Variants in TMBIM6 observed in about 807,000 individuals in gnomAD.
TMBIM6 encodes bax inhibitor 1.
Under a neutral mutation model 31.4 loss-of-function variants are expected in TMBIM6, and 13 were observed. The ratio of observed to expected loss-of-function variants is 0.41; its 90% confidence interval spans 0.27 to 0.66. The LOEUF (loss-of-function observed/expected upper bound fraction) is 0.66. Ranked by LOEUF, TMBIM6 falls within the 30% of genes least tolerant of loss-of-function variation. The pLI, the probability that TMBIM6 is intolerant of heterozygous loss-of-function variation, is 0.28. For synonymous variants in TMBIM6, 85 were observed against 101.7 expected (o/e 0.84, Z 0.99); for missense variants, 275 against 289.5 (o/e 0.95, Z 0.36).
chr12:49,755,615 A>AT lies in TMBIM6; in HGVS notation c.166-18dup, dbSNP rs767367581. On this transcript the variant is annotated intron_variant, in intron 3 of 9. Coordinates refer to ENST00000267115, the MANE Select transcript of TMBIM6 (RefSeq NM_003217.3). ...GAAACTTTCAAGTGTTTAATGATTG[A>AT]TTGATTCTGACTCTAACAGGCTGGC... 1 of 1,608,232 alleles carries AT rather than the reference A, an allele frequency of 6.2e-7. No homozygotes were observed. Among genetic ancestry groups the AT allele is most frequent in the Admixed American group, 1.7e-5 (1 of 58,012 alleles).
intron 9 of TMBIM6, chr12:49,762,068 G>C: frequency 2.8e-6 from 1 of 356,470 alleles, no homozygotes; most frequent in Non-Finnish European, 5.1e-6. Flanking sequence ...ATATAGTTGT[G>C]ACTCAGAGAA....
chr12:49,756,953 C>T (rs1191281373), intron 4 of TMBIM6, among the ~76,000 whole-genome samples: 1 of 149,152 alleles, frequency 6.7e-6, no homozygotes, highest in Non-Finnish European at 1.5e-5. Context: ...AGGCTGGTCT[C>T]GAACTCCTGA....
At chr12:49,752,410 C>A in intron 1 of TMBIM6, 54 bp from the exon 2 acceptor site, 4 of 1,150,252 alleles carry the variant, frequency 3.5e-6, no homozygotes, top group Non-Finnish European at 4.8e-6. Flanking sequence ...TTTTTATAAG[C>A]TGTTCGTGTG....
At position 49,755,826 on chromosome 12, in the gene TMBIM6, C is replaced by T. The variant is rs569386546; in HGVS notation, c.286+71C>T. On this transcript the variant is annotated intron_variant, in intron 4 of 9. Coordinates refer to ENST00000267115, the MANE Select transcript of TMBIM6 (RefSeq NM_003217.3). ...CAGTATCTCTTAATTAGTTCCCCCC[C>T]CTTTTTTTTTCTTTTTTTTTTTTTT... is the stretch of plus-strand genomic sequence containing the variant. The T allele has an allele frequency of 4.6e-6, 7 of 1,522,922 alleles. No individual in the cohort carries two copies. In the African/African-American group the frequency reaches 8.6e-5, roughly 19 times the overall value. 94.3% of individuals were successfully genotyped at this position (1,522,922 alleles called of 1,614,324 possible).
In TMBIM6 at chr12:49,742,269, A is replaced by G. The variant is rs531306326; in HGVS notation, c.-31+658A>G. 3.1e-6 allele frequency: 5 copies of G among 1,598,864 alleles called. No homozygotes were observed. The Admixed American group carries it at 7.1e-5, about 23-fold the overall frequency. On this transcript the variant is annotated intron_variant, in intron 1 of 9. Coordinates refer to ENST00000267115, the MANE Select transcript of TMBIM6 (RefSeq NM_003217.3). ...CGGCCCCGCTCTTTTCGGATTGGTTACCTTTGGGCAGGTGAGGTGGCTTTG... is the reference window on the plus strand; with the variant it reads ...CGGCCCCGCTCTTTTCGGATTGGTTGCCTTTGGGCAGGTGAGGTGGCTTTG...
At chr12:49,743,856 C>T (rs1323720893) in intron 1 of TMBIM6, among the ~76,000 whole-genome samples, 1 of 151,800 alleles carries the variant, frequency 6.6e-6, no homozygotes, top group Non-Finnish European at 1.5e-5. Context: ...ATTTAACTTT[C>T]TAATGTTGGT....
Position 49,762,906 on chromosome 12 carries a change from C to A in TMBIM6, c.*10C>A. The A allele has an allele frequency of 6.2e-7, 1 of 1,611,810 alleles. No individual in the cohort carries two copies. The highest frequency in any genetic ancestry group is 8.5e-7 in the Non-Finnish European group (1 of 1,178,086). On this transcript the variant is annotated 3_prime_UTR_variant, in exon 10 of 10. Coordinates refer to ENST00000267115, the MANE Select transcript of TMBIM6 (RefSeq NM_003217.3). ...GAAAGAGAAGAAATGAAGTGACCAT[C>A]CAGCCTTTCCCAATTAGACTTCCTC...
intron 1 of TMBIM6, among the ~76,000 whole-genome samples, chr12:49,747,433 C>G (rs947428293): frequency 6.6e-6 from 1 of 151,828 alleles, no homozygotes; most frequent in Non-Finnish European, 1.5e-5. Context: ...CTCAGCCTCC[C>G]AAGTAGTTGG....
At chr12:49,762,790 C>A in intron 9 of TMBIM6, 83 bp from the exon 10 acceptor site, 1 of 1,297,966 alleles carries the variant, frequency 7.7e-7, no homozygotes, top group Non-Finnish European at 1.1e-6. Context: ...CACTTCTAGT[C>A]CCTAACTAAA....
intron 3 of TMBIM6, among the ~76,000 whole-genome samples, chr12:49,753,561 T>C (rs1012489621): frequency 7.2e-5 from 11 of 152,200 alleles, no homozygotes; most frequent in Non-Finnish European, 1.6e-4. Context: ...TGAGAGAGAA[T>C]CTGGGTTTGG....
intron 9 of TMBIM6, among the ~76,000 whole-genome samples, 200 bp from the exon 10 acceptor site, chr12:49,762,673 C>T (rs1945741932): frequency 6.6e-6 from 1 of 152,178 alleles, no homozygotes; most frequent in South Asian, 2.1e-4. Context: ...AACCTTTATT[C>T]TTGGTCGGTC....
chr12:49,757,665 A>G (rs1945630953), intron 4 of TMBIM6, among the ~76,000 whole-genome samples: 1 of 152,234 alleles, frequency 6.6e-6, no homozygotes, highest in Non-Finnish European at 1.5e-5. Context: ...CATCAGGGCA[A>G]GCTAGTTTTT....
chr12:49,742,306 C>G, intron 1 of TMBIM6: 2 of 1,544,254 alleles, frequency 1.3e-6, no homozygotes, highest in Non-Finnish European at 1.7e-6. Context: ...TTTGCTTGGT[C>G]TTGAGGTTTT....
At chr12:49,744,573 G>A (rs1945356200) in intron 1 of TMBIM6, 1 of 152,184 alleles carries the variant, frequency 6.6e-6, no homozygotes, top group African/African-American at 2.4e-5. Context: ...GCTGGGGAAT[G>A]TTGATTTGAG....
rs1308088650 is a variant in TMBIM6, at chr12:49,762,959, A to G, written c.*63A>G. 2 of 1,553,662 alleles carry G rather than the reference A, an allele frequency of 1.3e-6. No individual in the cohort carries two copies. The highest frequency in any genetic ancestry group is 1.4e-5 in the African/African-American group (1 of 73,630). The stretch of plus-strand genomic sequence containing the variant: ...CTTCCACCCCTCATTTCCTTTTTGC[A>G]CACATTACAGGTGGTGTGTTCTGTG... On this transcript the variant is annotated 3_prime_UTR_variant, in exon 10 of 10. Transcript: ENST00000267115.
At chr12:49,754,452 A>T (rs1242267814) in intron 3 of TMBIM6, among the ~76,000 whole-genome samples, 1 of 152,214 alleles carries the variant, frequency 6.6e-6, no homozygotes, top group Non-Finnish European at 1.5e-5. Flanking sequence ...AATGTTAAGG[A>T]ATCAAAAATA....
Position 49,741,594 on chromosome 12 carries a change from G to C in TMBIM6, c.-48G>C, listed in dbSNP as rs1945295399. The C allele has an allele frequency of 6.3e-6, 1 of 158,980 alleles. No individual in the cohort carries two copies. Among genetic ancestry groups the C allele is most frequent in the South Asian group, 1.5e-4 (1 of 6,666 alleles). The allele number at this position is 158,980 out of a possible 1,614,324, so 9.8% of individuals were successfully genotyped here. On this transcript the variant is annotated 5_prime_UTR_variant, in exon 1 of 10. Transcript: ENST00000267115. ...GTGTTAGAAGCGCTGGTAGGCCTTG[G>C]AGAGGCGGGTTAGGAAGGTACGTCT...
chr12:49,762,681 G>T (rs540962562), intron 9 of TMBIM6, among the ~76,000 whole-genome samples, 192 bp from the exon 10 acceptor site: 177 of 152,312 alleles, frequency 1.2e-3, no homozygotes, highest in African/African-American at 3.9e-3. Context: ...TTCTTGGTCG[G>T]TCTGTCGGCA....
chr12:49,742,205 A>T, intron 1 of TMBIM6: 2 of 1,613,198 alleles, frequency 1.2e-6, no homozygotes, highest in Middle Eastern at 3.3e-4. Flanking sequence ...GGGAAGTGAG[A>T]GGAGTCTGGG....
Sources: gnomAD v4.1 joint callset for allele counts (sites outside exome capture counted in the v4.1 genomes callset) on GRCh38, gnomAD v4.1.1 for gene constraint, MANE v1.5 for transcripts, NCBI Gene and HGNC (gene_info 2026-07-23, HGNC 2026-07-21) for gene names.